MGST1: variants seen among roughly 807,000 people sequenced by gnomAD.
The protein encoded by MGST1 is microsomal glutathione S-transferase 1, also known as glutathione S-transferase 12.
MGST1 carries 5 observed loss-of-function variants against 8.9 expected under a neutral mutation model. The ratio of observed to expected loss-of-function variants is 0.56; its 90% CI spans 0.29 to 1.19. The LOEUF (loss-of-function observed/expected upper bound fraction) is 1.19. MGST1 is among the 50% of genes most tolerant of loss of function. MGST1 has a pLI of 0.08. For missense variants in MGST1, 182 were observed against 187.4 expected (o/e 0.97, Z 0.17); for synonymous variants, 54 against 67.8 (o/e 0.80, Z 1.00).
In MGST1 at chr12:16,401,090, C is replaced by T. The variant is rs1940651595; in HGVS notation, n.778+17486C>T. Reference sequence around the variant, plus strand: ...CTTCCCAAAAGGTCCTCTGCCTCATCTTTCTCCTCCTCCTCCTTTTCCTCA... The same window carrying T: ...CTTCCCAAAAGGTCCTCTGCCTCATTTTTCTCCTCCTCCTCCTTTTCCTCA... On this transcript the variant is annotated intron_variant and non_coding_transcript_variant, in intron 1 of 1. Coordinates refer to the MGST1 transcript ENST00000359720. This position sits in a 1 kb window ranked among gnomAD's most constrained non-coding sequence, Gnocchi z 4.3. 4 of 1,591,292 alleles carry T rather than the reference C, an allele frequency of 2.5e-6. No individual in the cohort carries two copies. Among genetic ancestry groups the T allele is most frequent in the Non-Finnish European group, 2.6e-6 (3 of 1,159,946 alleles).
intron 4 of MGST1, among the ~76,000 whole-genome samples, chr12:16,553,848 T>C (rs1457497349): frequency 6.6e-6 from 1 of 150,770 alleles, no homozygotes; most frequent in African/African-American, 2.4e-5. Context: ...CAACTTCTTA[T>C]GAGATTCAGC....
chr12:16,482,810 C>G lies in MGST1; in HGVS notation n.482+99206C>G, dbSNP rs912856186. 5.3e-5 allele frequency among the ~76,000 whole-genome samples: 8 copies of G among 152,122 alleles called. No individual in the cohort carries two copies. Among genetic ancestry groups the G allele is most frequent in the Non-Finnish European group, 1.0e-4 (7 of 68,020 alleles). On this transcript the variant is annotated intron_variant and non_coding_transcript_variant, in intron 4 of 4. Coordinates refer to the MGST1 transcript ENST00000538857. The surrounding 1 kb of genome is among the most constrained non-coding windows in gnomAD (Gnocchi z 4.2). ...CGAAATCAGAGACCTTACCCAGTGT[C>G]AAGCTTGACTAATCATTTCAAGGAT...
At chr12:16,427,452 G>A (rs1423861331) in intron 1 of MGST1, among the ~76,000 whole-genome samples, 1 of 152,146 alleles carries the variant, frequency 6.6e-6, no homozygotes, top group Non-Finnish European at 1.5e-5. Context: ...GCACAATCTT[G>A]GCTCACTGCA....
At chr12:16,467,069 T>A (rs930287957) in intron 4 of MGST1, among the ~76,000 whole-genome samples, 1 of 152,086 alleles carries the variant, frequency 6.6e-6, no homozygotes, top group Non-Finnish European at 1.5e-5. Context: ...TAAAAAAAAA[T>A]TTGGGTTGTC....
chr12:16,516,111 C>G (rs1237811283), intron 4 of MGST1, among the ~76,000 whole-genome samples: 1 of 152,170 alleles, frequency 6.6e-6, no homozygotes, highest in East Asian at 1.9e-4. Flanking sequence ...CCTAACCAGA[C>G]TTGGGTTGTA....
intron 1 of MGST1, among the ~76,000 whole-genome samples, chr12:16,426,314 G>C (rs1227500234): frequency 6.6e-6 from 1 of 152,020 alleles, no homozygotes; most frequent in East Asian, 1.9e-4. Flanking sequence ...ATTTTGATTG[G>C]AATGCTCATT....
At chr12:16,568,828 GAC>G (rs1173482143) in intron 4 of MGST1, among the ~76,000 whole-genome samples, 2 of 152,100 alleles carry the variant, frequency 1.3e-5, no homozygotes, top group Non-Finnish European at 2.9e-5. Context: ...CTGGATATAT[GAC>G]AGTTATAACT....
chr12:16,355,649 A>AT (rs1939685950), intron 2 of MGST1, among the ~76,000 whole-genome samples: 1 of 152,194 alleles, frequency 6.6e-6, no homozygotes, highest in Non-Finnish European at 1.5e-5. Context: ...CACCAAGGAA[A>AT]TGTACCCTGT....
chr12:16,575,694 T>C (rs1942971812), intron 4 of MGST1, among the ~76,000 whole-genome samples: 1 of 152,050 alleles, frequency 6.6e-6, no homozygotes, highest in African/African-American at 2.4e-5. Flanking sequence ...CACTGAGCCA[T>C]TTAGGATTTC....
chr12:16,517,275 A>G lies in MGST1; in HGVS notation n.483-72253A>G, dbSNP rs949570264. On this transcript the variant is annotated intron_variant and non_coding_transcript_variant, in intron 4 of 4. Coordinates refer to the MGST1 transcript ENST00000538857. This position sits in a 1 kb window ranked among gnomAD's most constrained non-coding sequence, Gnocchi z 4.2. ...TCATGTGTTGAAAATTTAACTCCCA[A>G]TGCAATAGTGTCAAGAGGTGGAAGC... Among the ~76,000 whole-genome samples, 1 of 152,166 alleles carries G rather than the reference A, an allele frequency of 6.6e-6. No homozygotes were observed. Among genetic ancestry groups the G allele is most frequent in the Non-Finnish European group, 1.5e-5 (1 of 68,040 alleles).
chr12:16,496,878 T>A (rs1455464333), intron 4 of MGST1, among the ~76,000 whole-genome samples: 2 of 151,998 alleles, frequency 1.3e-5, no homozygotes, highest in Admixed American at 1.3e-4. Flanking sequence ...AGAAAACATA[T>A]AGGAGGTTAA....
intron 4 of MGST1, among the ~76,000 whole-genome samples, chr12:16,509,684 C>T (rs573107622): frequency 1.2e-4 from 19 of 152,288 alleles, no homozygotes; most frequent in African/African-American, 4.6e-4. Context: ...TGTCATTACA[C>T]ATCTGTTTAT....
intron 4 of MGST1, among the ~76,000 whole-genome samples, chr12:16,453,334 C>A (rs956928428): frequency 6.6e-6 from 1 of 151,856 alleles, no homozygotes; most frequent in African/African-American, 2.4e-5. Context: ...ATTCTCGATT[C>A]GAGACTCTAA....
chr12:16,487,795 C>T (rs1463631183), intron 4 of MGST1, among the ~76,000 whole-genome samples: 4 of 152,040 alleles, frequency 2.6e-5, no homozygotes, highest in African/African-American at 4.8e-5. Flanking sequence ...TACAGGTGTG[C>T]ACAACCACAC....
chr12:16,477,700 G>C (rs1941333386), intron 4 of MGST1, among the ~76,000 whole-genome samples: 1 of 152,134 alleles, frequency 6.6e-6, no homozygotes, highest in South Asian at 2.1e-4. Flanking sequence ...ATCTAAGGAA[G>C]ATTTACTTGA....
chr12:16,464,839 T>A (rs182690335), intron 4 of MGST1, among the ~76,000 whole-genome samples: 12 of 152,318 alleles, frequency 7.9e-5, no homozygotes, highest in Admixed American at 6.5e-4. Context: ...CTTAAATAAA[T>A]TTTTCAATAA....
chr12:16,466,482 T>C (rs1295406863), intron 4 of MGST1, among the ~76,000 whole-genome samples: 1 of 152,200 alleles, frequency 6.6e-6, no homozygotes, highest in Non-Finnish European at 1.5e-5. Flanking sequence ...TAACACAGCT[T>C]CCTTTTGTCA....
At position 16,579,786 on chromosome 12, in the gene MGST1, G is replaced by A. The variant is rs527351704; in HGVS notation, n.483-9742G>A. Reference sequence around the variant, plus strand: ...ATAGATTCAGTGGCCGAGTGAATGCGATACTTTACAGAAAAATACCAGCTT... The same window carrying A: ...ATAGATTCAGTGGCCGAGTGAATGCAATACTTTACAGAAAAATACCAGCTT... On this transcript the variant is annotated intron_variant and non_coding_transcript_variant, in intron 4 of 4. Coordinates refer to the MGST1 transcript ENST00000538857. 6.6e-5 allele frequency among the ~76,000 whole-genome samples: 10 copies of A among 152,294 alleles called. No homozygotes were observed. The East Asian group carries it at 9.6e-4, about 15-fold the overall frequency.
At chr12:16,408,379 T>G (rs1170419074) in intron 1 of MGST1, among the ~76,000 whole-genome samples, 1 of 152,246 alleles carries the variant, frequency 6.6e-6, no homozygotes, top group African/African-American at 2.4e-5. Flanking sequence ...TAAAATAAAT[T>G]TTTTTTAAAC....
Sources: gnomAD v4.1 joint callset for allele counts (sites outside exome capture counted in the v4.1 genomes callset) on GRCh38, gnomAD v4.1.1 for gene constraint, Gnocchi (gnomAD v3.1) non-coding constraint, MANE v1.5 for transcripts, NCBI Gene and HGNC (gene_info 2026-07-23, HGNC 2026-07-21) for gene names.